PACS1: variants seen among roughly 807,000 people sequenced by gnomAD.
PACS1 encodes the protein phosphofurin acidic cluster sorting protein 1.
A neutral mutation model predicts 115.0 loss-of-function variants in PACS1; 24 were observed. The observed-to-expected ratio is 0.21, with a 90% confidence interval of 0.15 to 0.29. PACS1 has a LOEUF of 0.29. Ranked by LOEUF, PACS1 falls within the 10% of genes least tolerant of loss-of-function variation. The pLI is 1.00. For missense variants in PACS1, 838 were observed against 1,251.2 expected, an observed-to-expected ratio of 0.67 and a Z score of 4.98; for synonymous variants, 453 against 504.5, an observed-to-expected ratio of 0.90 and a Z score of 1.37.
chr11:66,105,178 CT>C (rs1858006681), intron 1 of PACS1, among the ~76,000 whole-genome samples: 1 of 152,116 alleles, frequency 6.6e-6, no homozygotes, highest in African/African-American at 2.4e-5. Context: ...AATCCCAACA[CT>C]TTGGGAGGCC....
chr11:66,229,903 G>C lies in PACS1; in HGVS notation c.1375-645G>C, dbSNP rs529815350. Among the ~76,000 whole-genome samples the C allele has an allele frequency of 7.5e-4, 114 of 151,440 alleles. 2 individuals are homozygous for C. In the South Asian group the frequency reaches 0.024, roughly 31 times the overall value. On this transcript the variant is annotated intron_variant, in intron 11 of 23. Coordinates refer to ENST00000320580, the MANE Select transcript of PACS1 (RefSeq NM_018026.4). ...GGAGGTTGCGGTGAGCCAAGGTTGC[G>C]CCAAGATTGTGCCACTGCGCTCCAA...
intron 10 of PACS1, among the ~76,000 whole-genome samples, chr11:66,224,622 C>CT (rs1156631838): frequency 1.3e-5 from 2 of 152,178 alleles, no homozygotes; most frequent in African/African-American, 4.8e-5. Context: ...GTTCCCTTGG[C>CT]CACGTTTCAG....
intron 1 of PACS1, among the ~76,000 whole-genome samples, chr11:66,175,444 C>G (rs539435379): frequency 2.9e-4 from 44 of 152,088 alleles, no homozygotes; most frequent in Non-Finnish European, 4.6e-4. Flanking sequence ...TTGCCATTGG[C>G]CCTTTGAATA....
intron 1 of PACS1, among the ~76,000 whole-genome samples, chr11:66,126,153 A>G (rs1254001230): frequency 6.6e-6 from 1 of 152,004 alleles, no homozygotes; most frequent in Non-Finnish European, 1.5e-5. Context: ...TTTGCTTCTC[A>G]TGCTCTATTT....
At position 66,235,287 on chromosome 11, in the gene PACS1, T is replaced by C. The variant is rs1855683287; in HGVS notation, c.2105-14T>C. Reference sequence around the variant, plus strand: ...AGTCAGTAGGCAGTTAGTGATCTCTTGGCTTTTCTGCAGAGCAACTGGACG... The same window carrying C: ...AGTCAGTAGGCAGTTAGTGATCTCTCGGCTTTTCTGCAGAGCAACTGGACG... On this transcript the variant is annotated splice_polypyrimidine_tract_variant and intron_variant, in intron 17 of 23. Coordinates refer to ENST00000320580, the MANE Select transcript of PACS1 (RefSeq NM_018026.4). This position sits in a 1 kb window ranked among gnomAD's most constrained non-coding sequence, Gnocchi z 5.6. The C allele has an allele frequency of 6.8e-6, 11 of 1,608,922 alleles. No homozygotes were observed. The highest frequency in any genetic ancestry group is 9.4e-6 in the Non-Finnish European group (11 of 1,175,608).
chr11:66,181,888 G>C (rs1860021596), intron 1 of PACS1, among the ~76,000 whole-genome samples: 1 of 152,216 alleles, frequency 6.6e-6, no homozygotes, highest in Non-Finnish European at 1.5e-5. Context: ...TTCGTCAAAT[G>C]CTGATGACGT....
chr11:66,239,381 G>A (rs1855767175), intron 21 of PACS1, 104 bp downstream of exon 21: 3 of 1,381,920 alleles, frequency 2.2e-6, no homozygotes, highest in Non-Finnish European at 2.9e-6. Flanking sequence ...CAGGAAGCCG[G>A]GCGTGGTAGT....
At position 66,192,110 on chromosome 11, in the gene PACS1, A is replaced by C. The variant is rs147538781; in HGVS notation, c.357-1376A>C. 5.1e-3 allele frequency among the ~76,000 whole-genome samples: 777 copies of C among 152,322 alleles called. 4 individuals carry two copies. Among genetic ancestry groups the C allele is most frequent in the African/African-American group, 0.017 (720 of 41,576 alleles). On this transcript the variant is annotated intron_variant, in intron 1 of 23. Coordinates refer to ENST00000320580, the MANE Select transcript of PACS1 (RefSeq NM_018026.4). ...ACCTGGATTTGTCCTCCTTTAAAAAAAAAACAAAACATGAATTATATTAAT... is the reference window on the plus strand; with the variant it reads ...ACCTGGATTTGTCCTCCTTTAAAAACAAAACAAAACATGAATTATATTAAT...
intron 1 of PACS1, among the ~76,000 whole-genome samples, chr11:66,109,489 G>A (rs1858135746): frequency 6.6e-6 from 1 of 152,198 alleles, no homozygotes; most frequent in African/African-American, 2.4e-5. Context: ...CAGCATATGA[G>A]TCATGTCACC....
chr11:66,206,015 G>T (rs537159086), intron 2 of PACS1, among the ~76,000 whole-genome samples: 1 of 152,196 alleles, frequency 6.6e-6, no homozygotes, highest in Non-Finnish European at 1.5e-5. Context: ...CGGCATTTTG[G>T]CACATGCCTG....
At chr11:66,166,202 C>T (rs1859597659) in intron 1 of PACS1, among the ~76,000 whole-genome samples, 1 of 152,142 alleles carries the variant, frequency 6.6e-6, no homozygotes, top group Admixed American at 6.5e-5. Flanking sequence ...GGCTGCAGTG[C>T]AATGGCATGG....
intron 1 of PACS1, among the ~76,000 whole-genome samples, chr11:66,193,116 G>T (rs1854566532): frequency 6.6e-6 from 1 of 152,196 alleles, no homozygotes; most frequent in Admixed American, 6.5e-5. Flanking sequence ...TAGGCATGGA[G>T]AATATTTTGC....
At chr11:66,224,992 C>T (rs1231188531) in intron 10 of PACS1, among the ~76,000 whole-genome samples, 1 of 152,160 alleles carries the variant, frequency 6.6e-6, no homozygotes, top group Non-Finnish European at 1.5e-5. Flanking sequence ...GTTGAATTTT[C>T]CCAAGGCTTG....
chr11:66,164,074 A>G (rs1162580442), intron 1 of PACS1, among the ~76,000 whole-genome samples: 1 of 152,190 alleles, frequency 6.6e-6, no homozygotes, highest in East Asian at 1.9e-4. Context: ...AAGAAAGGAA[A>G]AAGAGTGAAA....
At chr11:66,076,457 A>G (rs1336571034) in intron 1 of PACS1, among the ~76,000 whole-genome samples, 3 of 151,868 alleles carry the variant, frequency 2.0e-5, no homozygotes, top group South Asian at 4.2e-4. Flanking sequence ...CTGGAGTGCA[A>G]TGGTGCGATC....
At position 66,210,840 on chromosome 11, in the gene PACS1, G is replaced by A. The variant is rs549629476; in HGVS notation, c.535-294G>A. Among the ~76,000 whole-genome samples the A allele has an allele frequency of 1.2e-4, 19 of 152,260 alleles. No individual in the cohort carries two copies. The East Asian group carries it at 3.7e-3, about 29-fold the overall frequency. ...CCTCCTAGTCGGTGTCCCTCTCATC[G>A]TAATTCCAGTAATTCAATGCCCAAA... On this transcript the variant is annotated intron_variant, in intron 3 of 23. Coordinates refer to ENST00000320580, the MANE Select transcript of PACS1 (RefSeq NM_018026.4).
At chr11:66,145,335 T>C (rs1435563559) in intron 1 of PACS1, among the ~76,000 whole-genome samples, 2 of 152,126 alleles carry the variant, frequency 1.3e-5, no homozygotes. Context: ...ACAGCTTGGC[T>C]GCCAGAGGTA....
chr11:66,129,705 C>T (rs1858660765), intron 1 of PACS1, among the ~76,000 whole-genome samples: 1 of 151,960 alleles, frequency 6.6e-6, no homozygotes, highest in Non-Finnish European at 1.5e-5. Flanking sequence ...GATTACCTGG[C>T]TTGTGCTGCA....
chr11:66,218,865 A>G (rs1855274037), intron 7 of PACS1, among the ~76,000 whole-genome samples: 2 of 152,056 alleles, frequency 1.3e-5, no homozygotes, highest in South Asian at 4.1e-4. Flanking sequence ...TCTCTAAAAA[A>G]AAAAAAAAAG....
Sources: gnomAD v4.1 joint callset for allele counts (sites outside exome capture counted in the v4.1 genomes callset) on GRCh38, gnomAD v4.1.1 for gene constraint, Gnocchi (gnomAD v3.1) non-coding constraint, MANE v1.5 for transcripts, NCBI Gene and HGNC (gene_info 2026-07-23, HGNC 2026-07-21) for gene names.